TRIM61: variants seen among roughly 807,000 people sequenced by gnomAD.
TRIM61 encodes the protein tripartite motif containing 61.
Under a neutral mutation model 14.2 loss-of-function variants are expected in TRIM61, and 1 was observed. That is an observed-to-expected ratio of 0.07 (90% CI 0.03 to 0.33). TRIM61 has a LOEUF of 0.33. TRIM61 is among the 10% of genes least tolerant of loss of function. The pLI is 0.99. For synonymous variants in TRIM61, 8 were observed against 71.6 expected, an observed-to-expected ratio of 0.11 and a Z score of 4.49; for missense variants, 19 against 202.2, an observed-to-expected ratio of 0.09 and a Z score of 5.49.
rs1732508986 is a variant in TRIM61, at chr4:164,977,564, A to T, written c.-509T>A. The stretch of plus-strand genomic sequence containing the variant: ...GACGGATCAGCAAATCCGGCCAAAG[A>T]ATACTCAGGACCCACCGAGCCCCCG... On this transcript the variant is annotated 5_prime_UTR_variant, in exon 1 of 5. Coordinates refer to ENST00000329314, the MANE Select transcript of TRIM61 (RefSeq NM_001012414.3). 6.6e-6 allele frequency: 1 copy of T among 152,136 alleles called. No homozygotes were observed. Among genetic ancestry groups the T allele is most frequent in the South Asian group, 2.1e-4 (1 of 4,808 alleles). The allele number at this position is 152,136 out of a possible 1,614,324, so 9.4% of individuals were successfully genotyped here.
intron 2 of TRIM61, among the ~76,000 whole-genome samples, chr4:164,973,528 ACTGAGAG>A (rs1732418350): frequency 6.6e-6 from 1 of 152,202 alleles, no homozygotes; most frequent in Non-Finnish European, 1.5e-5. Context: ...TAAAATACAA[ACTGAGAG>A]CTAACAATAC....
intron 3 of TRIM61, among the ~76,000 whole-genome samples, chr4:164,967,702 G>A (rs562526742): frequency 1.2e-3 from 182 of 152,190 alleles, no homozygotes; most frequent in Non-Finnish European, 2.2e-3. Flanking sequence ...GGTAAACAGA[G>A]GAAAGGTGAA....
intron 3 of TRIM61, chr4:164,957,879 G>C (rs1195486431): frequency 5.7e-6 from 1 of 175,640 alleles, no homozygotes; most frequent in African/African-American, 2.4e-5. Context: ...CAGGTATTAA[G>C]ACAAAAACTT....
chr4:164,967,874 G>T (rs1165423873), intron 3 of TRIM61, among the ~76,000 whole-genome samples: 1 of 151,968 alleles, frequency 6.6e-6, no homozygotes, highest in African/African-American at 2.4e-5. Context: ...CTACCTGGCT[G>T]GGCGTGGTGG....
At chr4:164,974,671 A>C (rs545737876) in intron 2 of TRIM61, among the ~76,000 whole-genome samples, 1 of 152,148 alleles carries the variant, frequency 6.6e-6, no homozygotes, top group East Asian at 1.9e-4. Context: ...CTTGAGCCCA[A>C]GAGTTCAAGA....
At chr4:164,968,228 T>TG (rs1732282712) in intron 3 of TRIM61, 53 bp downstream of exon 3, 1 of 982,890 alleles carries the variant, frequency 1.0e-6, no homozygotes, top group Non-Finnish European at 1.2e-6. Context: ...AGAGTAATGA[T>TG]GAATGCCTTT....
intron 3 of TRIM61, among the ~76,000 whole-genome samples, chr4:164,965,703 G>GA (rs1732224570): frequency 6.6e-6 from 1 of 152,038 alleles, no homozygotes; most frequent in African/African-American, 2.4e-5. Flanking sequence ...AAAGTGTTGG[G>GA]ATTACAGGCA....
At chr4:164,972,107 A>G (rs962744220) in intron 2 of TRIM61, among the ~76,000 whole-genome samples, 2 of 152,232 alleles carry the variant, frequency 1.3e-5, no homozygotes, top group African/African-American at 4.8e-5. Context: ...GGACTGCACA[A>G]GCAAAAGCTA....
intron 3 of TRIM61, chr4:164,957,498 G>A (rs1489744269): frequency 6.3e-7 from 1 of 1,598,774 alleles, no homozygotes; most frequent in Non-Finnish European, 8.5e-7. Flanking sequence ...GTCCTATAGA[G>A]CAGGCTGCCT....
chr4:164,957,097 A>T, intron 3 of TRIM61: 2 of 1,567,948 alleles, frequency 1.3e-6, no homozygotes, highest in Non-Finnish European at 1.7e-6. Flanking sequence ...CCAGCCCTGC[A>T]GGGTGGGCTG....
At chr4:164,963,359 C>G (rs977945462) in intron 3 of TRIM61, among the ~76,000 whole-genome samples, 3 of 152,156 alleles carry the variant, frequency 2.0e-5, no homozygotes, top group Admixed American at 2.0e-4. Flanking sequence ...AAACAGAGAA[C>G]GCAAAATAAG....
rs149964933 is a variant in TRIM61, at chr4:164,959,928, G to A, written c.526-4832C>T. ...AAGGGCTAACTCCAGTACTTCAGAT[G>A]TGACCTTATTTGGAAATTAGGTCTT... On this transcript the variant is annotated intron_variant, in intron 3 of 4. Coordinates refer to ENST00000329314, the MANE Select transcript of TRIM61 (RefSeq NM_001012414.3). 3.5e-3 allele frequency among the ~76,000 whole-genome samples: 540 copies of A among 152,284 alleles called. 5 individuals are homozygous for A. Among genetic ancestry groups the A allele is most frequent in the African/African-American group, 0.012 (517 of 41,560 alleles).
chr4:164,968,233 G>A, intron 3 of TRIM61, 48 bp downstream of exon 3: 1 of 981,830 alleles, frequency 1.0e-6, no homozygotes, highest in Non-Finnish European at 1.2e-6. Context: ...AATGATGAAT[G>A]CCTTTAATAA....
chr4:164,962,153 G>A (rs1732150187), intron 3 of TRIM61, among the ~76,000 whole-genome samples: 1 of 152,016 alleles, frequency 6.6e-6, no homozygotes, highest in Non-Finnish European at 1.5e-5. Flanking sequence ...GGAGGATAAG[G>A]AAGGAGGATA....
intron 3 of TRIM61, chr4:164,957,955 A>G (rs1732051769): frequency 1.8e-5 from 3 of 169,540 alleles, no homozygotes; most frequent in Admixed American, 1.3e-4. Context: ...TATGGTCGAC[A>G]AAACATTCTT....
intron 2 of TRIM61, among the ~76,000 whole-genome samples, chr4:164,971,283 G>A (rs1278495373): frequency 6.6e-6 from 1 of 151,906 alleles, no homozygotes; most frequent in Admixed American, 6.6e-5. Flanking sequence ...GAAACTTTCA[G>A]AAGGTTCAAC....
intron 3 of TRIM61, among the ~76,000 whole-genome samples, chr4:164,966,984 A>C (rs1732257659): frequency 6.6e-6 from 1 of 152,192 alleles, no homozygotes; most frequent in Non-Finnish European, 1.5e-5. Flanking sequence ...GAAGAGATAC[A>C]GATGTCTTTA....
In TRIM61 at chr4:164,969,521, A is replaced by G. The variant is rs199540291; in HGVS notation, c.482T>C (p.Val161Ala). Reference sequence around the variant, plus strand: ...TGATTTCCTGGTTTGCATAGTTATGACTTTTTCAATTAGTTCCACTCTCTC... The same window carrying G: ...TGATTTCCTGGTTTGCATAGTTATGGCTTTTTCAATTAGTTCCACTCTCTC... Residue 161 changes from valine to alanine, a missense_variant, in exon 3 of 5, where the codon GTC (valine) becomes GCC (alanine). Physicochemically the swap from Val to Ala is moderately conservative, Grantham distance 64. Coordinates refer to ENST00000329314, the MANE Select transcript of TRIM61 (RefSeq NM_001012414.3). 1 of 1,556,536 alleles carries G rather than the reference A, an allele frequency of 6.4e-7. No homozygotes were observed. The highest frequency in any genetic ancestry group is 1.2e-5 in the South Asian group (1 of 81,450).
At chr4:164,965,074 G>A (rs576473839) in intron 3 of TRIM61, among the ~76,000 whole-genome samples, 16 of 152,294 alleles carry the variant, frequency 1.1e-4, no homozygotes, top group Admixed American at 2.6e-4. Context: ...GATCACTTGA[G>A]ATCAGAAGTT....
Sources: gnomAD v4.1 joint callset for allele counts (sites outside exome capture counted in the v4.1 genomes callset) on GRCh38, gnomAD v4.1.1 for gene constraint, MANE v1.5 for transcripts, NCBI Gene and HGNC (gene_info 2026-07-23, HGNC 2026-07-21) for gene names.